MEFV: variants seen among roughly 807,000 people sequenced by gnomAD.
The protein encoded by MEFV is pyrin.
A neutral mutation model predicts 62.5 loss-of-function variants in MEFV; 60 were observed. The ratio of observed to expected loss-of-function variants is 0.96; its 90% CI spans 0.78 to 1.19. MEFV has a LOEUF of 1.19. Among genes scored for constraint, MEFV ranks in the 50% most tolerant of loss-of-function variants. The pLI, the probability that MEFV is intolerant of heterozygous loss-of-function variation, is 0.00. For synonymous variants in MEFV, 500 were observed against 415.2 expected (o/e 1.20, Z -2.48); for missense variants, 1,169 against 1,004.5 (o/e 1.16, Z -2.21).
intron 4 of MEFV, chr16:3,248,579 G>T: frequency 2.3e-6 from 1 of 437,346 alleles, no homozygotes; most frequent in Non-Finnish European, 3.9e-6. Flanking sequence ...GACAGAGCGA[G>T]ACTCCGTCAC....
Position 3,243,341 on chromosome 16 carries a change from T to C in MEFV, c.2146A>G (p.Lys716Glu), listed in dbSNP as rs746092199. The C allele has an allele frequency of 6.4e-5, 104 of 1,614,100 alleles. No homozygotes were observed. Among genetic ancestry groups the C allele is most frequent in the Admixed American group, 1.2e-4 (7 of 60,006 alleles). The change falls in exon 10 of 10, where the codon AAG (lysine) becomes GAG (glutamate). Residue 716 changes from lysine (K) to glutamate (E), a missense_variant. Coordinates refer to ENST00000219596, the MANE Select transcript of MEFV (RefSeq NM_000243.3). ...PTRLLIKEPP[K>E]RVGIFVDYRV... ...TAGTCCACGAAGATGCCCACACGCT[T>C]GGGAGGCTCCTTTATTAGCAGGCGG...
Position 3,245,903 on chromosome 16 carries a change from C to G in MEFV, c.1610+622G>C, listed in dbSNP as rs578019202. 6.6e-5 allele frequency among the ~76,000 whole-genome samples: 10 copies of G among 152,210 alleles called. No individual in the cohort carries two copies. In the East Asian group the frequency reaches 1.9e-3, roughly 29 times the overall value. On this transcript the variant is annotated intron_variant, in intron 6 of 9. Transcript: ENST00000219596. Reference sequence around the variant, plus strand: ...GTTCATAGCAACATTATTCACAAACCAAAAGTTAGAAGAAGTCCCGATATC... The same window carrying G: ...GTTCATAGCAACATTATTCACAAACGAAAAGTTAGAAGAAGTCCCGATATC...
chr16:3,250,491 C>T (rs895957259), intron 2 of MEFV, among the ~76,000 whole-genome samples: 3 of 151,950 alleles, frequency 2.0e-5, no homozygotes, highest in African/African-American at 7.2e-5. Flanking sequence ...CACCTCTAAT[C>T]CCAGCTACTT....
At chr16:3,247,488 C>A (rs1958960409) in intron 4 of MEFV, 2 of 559,038 alleles carry the variant, frequency 3.6e-6, no homozygotes, top group South Asian at 4.2e-5. Flanking sequence ...AACTGTGTCC[C>A]TTCCAAAATT....
intron 2 of MEFV, among the ~76,000 whole-genome samples, chr16:3,250,782 T>C (rs918401562): frequency 6.7e-6 from 1 of 150,260 alleles, no homozygotes; most frequent in African/African-American, 2.5e-5. Context: ...TCCCAGCACT[T>C]TGGGAGGCCG....
In MEFV at chr16:3,248,926, TCTCCTCCCCATAGGATCGCTG is replaced by T; in HGVS notation, c.1318_1338del (p.Gln440_Glu446del). 6.2e-7 allele frequency: 1 copy of T among 1,614,158 alleles called. No homozygotes were observed. The highest frequency in any genetic ancestry group is 1.1e-5 in the South Asian group (1 of 91,090). On this transcript the variant is annotated inframe_deletion, in exon 4 of 10. Coordinates refer to ENST00000219596, the MANE Select transcript of MEFV (RefSeq NM_000243.3). ...GACCTTACCAGAAAGCTCACTGCCT[TCTCCTCCCCATAGGATCGCTG>T]CTCCTCCCCTGATTTTCTCAGCTTC...
In MEFV at chr16:3,254,805, A is replaced by G. The variant is rs774149669; in HGVS notation, c.278-15T>C. ...TGTGGAATATTCTGGAAGGACAACC[A>G]GATGCAAAATGATGAAGCTGTCCCA... is the stretch of plus-strand genomic sequence containing the variant. On this transcript the variant is annotated splice_polypyrimidine_tract_variant and intron_variant, in intron 1 of 9. Transcript: ENST00000219596. 2.5e-6 allele frequency: 4 copies of G among 1,609,870 alleles called. No individual in the cohort carries two copies. In the Admixed American group the frequency reaches 6.7e-5, roughly 27 times the overall value.
At chr16:3,256,088 G>A (rs1212167439) in intron 1 of MEFV, among the ~76,000 whole-genome samples, 1 of 152,120 alleles carries the variant, frequency 6.6e-6, no homozygotes, top group African/African-American at 2.4e-5. Context: ...ACCCTGACCT[G>A]CTTCTTAAAA....
chr16:3,254,645 G>C lies in MEFV; in HGVS notation c.423C>G (p.Ser141Arg). Residue 141 changes from serine to arginine, a missense_variant, in exon 2 of 10, where the codon AGC becomes AGG. Transcript: ENST00000219596. ...GPRPYGGGAASLRCSQPEAGR... is the reference protein window; with the variant it reads ...GPRPYGGGAARLRCSQPEAGR... Reference sequence around the variant, plus strand: ...CGGCCTCGGGCTGGCTGCACCGCAGGCTGGCAGCTCCGCCCCCGTACGGCC... The same window carrying C: ...CGGCCTCGGGCTGGCTGCACCGCAGCCTGGCAGCTCCGCCCCCGTACGGCC... The C allele has an allele frequency of 6.2e-7, 1 of 1,608,042 alleles. No individual in the cohort carries two copies. The highest frequency in any genetic ancestry group is 8.5e-7 in the Non-Finnish European group (1 of 1,178,290).
Position 3,249,723 on chromosome 16 carries a change from A to G in MEFV, c.968T>C (p.Val323Ala). The change falls in exon 3 of 10, where the codon GTT (valine) becomes GCT (alanine). Residue 323 changes from valine (V) to alanine (A), a missense_variant. By Grantham distance (64) the Val-to-Ala change is moderately conservative. Coordinates refer to ENST00000219596, the MANE Select transcript of MEFV (RefSeq NM_000243.3). The part of the protein sequence containing the change: ...PRCHAQEGDP[V>A]DGTCVRDSCS... ...GGAATCACGCACACAGGTACCGTCA[A>G]CTGGGTCTCCTTCCTGGGCGTGGCA... 1.2e-6 allele frequency: 2 copies of G among 1,614,130 alleles called. No individual in the cohort carries two copies. Among genetic ancestry groups the G allele is most frequent in the Non-Finnish European group, 8.5e-7 (1 of 1,179,958 alleles).
chr16:3,243,625 C>T lies in MEFV; in HGVS notation c.1862G>A (p.Arg621Lys). The change falls in exon 10 of 10, where the codon AGA becomes AAA. Residue 621 changes from arginine (R) to lysine (K), a missense_variant. Physicochemically the swap from Arg to Lys is conservative, Grantham distance 26. Transcript: ENST00000219596. ...CAGCCTCTCCCACTTGTTTCCAAGT[C>T]TAACACTCTTCAGATCATCAGAGAA... The part of the protein sequence containing the change: ...LIFSDDLKSV[R>K]LGNKWERLPD... 1.3e-6 allele frequency: 2 copies of T among 1,599,856 alleles called. No individual in the cohort carries two copies. The highest frequency in any genetic ancestry group is 1.7e-6 in the Non-Finnish European group (2 of 1,172,628).
chr16:3,254,439 G>C lies in MEFV; in HGVS notation c.629C>G (p.Ala210Gly), dbSNP rs1450752777. Residue 210 changes from alanine to glycine, a missense_variant, in exon 2 of 10, where the codon GCG becomes GGG. By Grantham distance (60) the Ala-to-Gly change is moderately conservative. Transcript: ENST00000219596. ...CCCCGCCAGCCCCTGCAGCCTCCCC[G>C]CGGAGCTGGCGTTTCTGCGCAGCCG... Reference protein sequence around the residue: ...EVRLRRNASSAGRLQGLAGGA... With the variant: ...EVRLRRNASSGGRLQGLAGGA... 5 of 1,609,914 alleles carry C rather than the reference G, an allele frequency of 3.1e-6. No homozygotes were observed. The East Asian group carries it at 1.1e-4, about 36-fold the overall frequency.
chr16:3,252,760 A>G (rs1959055750), intron 2 of MEFV, among the ~76,000 whole-genome samples: 1 of 146,726 alleles, frequency 6.8e-6, no homozygotes, highest in Non-Finnish European at 1.5e-5. Flanking sequence ...CAACATAGAC[A>G]GTCCTCGTAA....
chr16:3,251,512 G>A (rs1021847756), intron 2 of MEFV, among the ~76,000 whole-genome samples: 2 of 152,232 alleles, frequency 1.3e-5, no homozygotes, highest in Non-Finnish European at 2.9e-5. Context: ...TATCATTTAT[G>A]TGAAGGAGGC....
rs1447099227 is a variant in MEFV, at chr16:3,254,780, T to G, written c.288A>C (p.Thr96=). Residue 96 remains threonine, a synonymous_variant, in exon 2 of 10, where the codon ACA becomes ACC. Coordinates refer to ENST00000219596, the MANE Select transcript of MEFV (RefSeq NM_000243.3). The part of the protein sequence containing the change: ...LHRAAIQEYS[T]QENGTDDSAA... ...CGGAATCATCTGTGCCGTTTTCTTG[T>G]GTGGAATATTCTGGAAGGACAACCA... The G allele has an allele frequency of 6.2e-7, 1 of 1,611,904 alleles. No individual in the cohort carries two copies. The highest frequency in any genetic ancestry group is 1.1e-5 in the South Asian group (1 of 91,084).
At chr16:3,245,587 T>C (rs1346047484) in intron 6 of MEFV, among the ~76,000 whole-genome samples, 3 of 151,466 alleles carry the variant, frequency 2.0e-5, no homozygotes, top group Non-Finnish European at 2.9e-5. Flanking sequence ...TGAGCCAAGA[T>C]CGCGCCACTG....
chr16:3,253,185 G>C (rs927683875), intron 2 of MEFV, among the ~76,000 whole-genome samples: 8 of 151,994 alleles, frequency 5.3e-5, no homozygotes, highest in African/African-American at 1.9e-4. Context: ...AGCAAAACCA[G>C]TGCAAACTGG....
intron 2 of MEFV, among the ~76,000 whole-genome samples, chr16:3,252,516 C>A (rs920522380): frequency 6.6e-6 from 1 of 152,006 alleles, no homozygotes; most frequent in South Asian, 2.1e-4. Context: ...TCAGGTGATC[C>A]GCCCCCATTG....
In MEFV at chr16:3,244,589, C is replaced by T. The variant is rs773992396; in HGVS notation, c.1611-1G>A. On this transcript the variant is annotated splice_acceptor_variant, in intron 6 of 9. Coordinates refer to ENST00000219596, the MANE Select transcript of MEFV (RefSeq NM_000243.3). LOFTEE classifies it high-confidence loss of function. ...TTCAGGGACAGGCACTGTCTTAGCC[C>T]TAGAGACAAAAGACTGTTGACCAGA... 7 of 1,612,354 alleles carry T rather than the reference C, an allele frequency of 4.3e-6. 1 individual carries two copies. Among genetic ancestry groups the T allele is most frequent in the African/African-American group, 1.3e-5 (1 of 74,874 alleles).
Sources: allele counts gnomAD v4.1 joint callset (sites outside exome capture counted in the v4.1 genomes callset), GRCh38; gene constraint gnomAD v4.1.1; transcripts MANE v1.5; gene names NCBI Gene and HGNC (gene_info 2026-07-23, HGNC 2026-07-21).